RAD9A: variants seen among roughly 807,000 people sequenced by gnomAD.
The protein encoded by RAD9A is RAD9 checkpoint clamp component A, also known as cell cycle checkpoint control protein RAD9A.
RAD9A carries 25 observed loss-of-function variants against 41.2 expected under a neutral mutation model. The ratio of observed to expected loss-of-function variants is 0.61; its 90% CI spans 0.44 to 0.85. The LOEUF is 0.85. Ranked by LOEUF, RAD9A falls within the 40% of genes least tolerant of loss-of-function variation. The pLI, the probability that RAD9A is intolerant of heterozygous loss-of-function variation, is 0.00. For missense variants in RAD9A, 514 were observed against 518.3 expected, an observed-to-expected ratio of 0.99 and a Z score of 0.08; for synonymous variants, 252 against 210.6, an observed-to-expected ratio of 1.20 and a Z score of -1.70.
In RAD9A at chr11:67,397,454, C is replaced by T; in HGVS notation, c.1081-10C>T. 1 of 1,606,608 alleles carries T rather than the reference C, an allele frequency of 6.2e-7. No individual in the cohort carries two copies. Among genetic ancestry groups the T allele is most frequent in the Non-Finnish European group, 8.5e-7 (1 of 1,173,736 alleles). ...GAGCAGCCTCCAGAACTCACTTGTT[C>T]TCTTTCCAGTTCCGCTCACTGTTCT... On this transcript the variant is annotated splice_polypyrimidine_tract_variant and intron_variant, in intron 10 of 10. Transcript: ENST00000307980.
chr11:67,398,354 G>A lies in RAD9A; in HGVS notation c.*795G>A. ...CAGTCACCGCAGGTGCAGGCAGGAA[G>A]CAGCCCTGGGGGACTGGACGCTGCT... On this transcript the variant is annotated 3_prime_UTR_variant, in exon 11 of 11. Coordinates refer to ENST00000307980, the MANE Select transcript of RAD9A (RefSeq NM_004584.3). 1 of 655,830 alleles carries A rather than the reference G, an allele frequency of 1.5e-6. No individual in the cohort carries two copies. The highest frequency in any genetic ancestry group is 2.5e-6 in the Non-Finnish European group (1 of 393,820). 40.6% of individuals were successfully genotyped at this position (655,830 alleles called of 1,614,324 possible). A position where few individuals can be genotyped will look rare whatever the true frequency, so the allele number is the denominator to read the frequency against.
In RAD9A at chr11:67,398,200, CT is replaced by C; in HGVS notation, c.*644del. On this transcript the variant is annotated 3_prime_UTR_variant, in exon 11 of 11. Coordinates refer to ENST00000307980, the MANE Select transcript of RAD9A (RefSeq NM_004584.3). ...GCCATGGCGAGAATCCAGCTTTGAC[CT>C]TTATTCAAGAGACCAGATGGGTTGC... The C allele has an allele frequency of 2.9e-6, 1 of 348,488 alleles. No homozygotes were observed. Among genetic ancestry groups the C allele is most frequent in the South Asian group, 3.5e-5 (1 of 28,240 alleles). The allele number at this position is 348,488 out of a possible 1,614,324, so 21.6% of individuals were successfully genotyped here. A position where few individuals can be genotyped will look rare whatever the true frequency, so the allele number is the denominator to read the frequency against.
chr11:67,397,204 AATGACGACATT>A lies in RAD9A; in HGVS notation c.899_909del (p.Asn300ArgfsTer14). ...CACACCCCACCCGGACGACTTTGCC[AATGACGACATT>A]GACTCTTACATGATCGCCATGGAAA... On this transcript the variant is annotated frameshift_variant, in exon 10 of 11. Transcript: ENST00000307980. LOFTEE classifies it high-confidence loss of function. 6.2e-7 allele frequency: 1 copy of A among 1,613,764 alleles called. No individual in the cohort carries two copies. Among genetic ancestry groups the A allele is most frequent in the South Asian group, 1.1e-5 (1 of 91,074 alleles).
In RAD9A at chr11:67,397,174, T is replaced by C. The variant is rs187164314; in HGVS notation, c.873-5T>C. 3.6e-4 allele frequency: 575 copies of C among 1,609,210 alleles called. 2 individuals carry two copies. The African/African-American group carries it at 6.9e-3, about 19-fold the overall frequency. ...CCCTCCCTGATACTCCGATTCTGCC[T>C]ACAGCACACCCCACCCGGACGACTT... is the stretch of plus-strand genomic sequence containing the variant. On this transcript the variant is annotated splice_region_variant and splice_polypyrimidine_tract_variant and intron_variant, in intron 9 of 10. Coordinates refer to ENST00000307980, the MANE Select transcript of RAD9A (RefSeq NM_004584.3).
chr11:67,392,719 C>T lies in RAD9A; in HGVS notation c.171C>T (p.Phe57=). Reference sequence around the variant, plus strand: ...CCTGCTTTCTCTTTGCCCCGCTCTTCTTCCAGCAATACCAGGCAGCCACCC... The same window carrying T: ...CCTGCTTTCTCTTTGCCCCGCTCTTTTTCCAGCAATACCAGGCAGCCACCC... ...AYACFLFAPL[F]FQQYQAATPG... Residue 57 remains phenylalanine (F), a synonymous_variant, in exon 3 of 11, where the codon TTC becomes TTT. Coordinates refer to ENST00000307980, the MANE Select transcript of RAD9A (RefSeq NM_004584.3). 1.9e-6 allele frequency: 3 copies of T among 1,614,084 alleles called. No individual in the cohort carries two copies. Among genetic ancestry groups the T allele is most frequent in the Non-Finnish European group, 2.5e-6 (3 of 1,179,948 alleles).
In RAD9A at chr11:67,393,609, C is replaced by T. The variant is rs751591647; in HGVS notation, c.348C>T (p.Phe116=). The T allele has an allele frequency of 2.2e-5, 35 of 1,614,020 alleles. No individual in the cohort carries two copies. The highest frequency in any genetic ancestry group is 4.4e-5 in the South Asian group (4 of 91,086). The change falls in exon 4 of 11, where the codon TTC becomes TTT. Residue 116 remains phenylalanine, a splice_region_variant and synonymous_variant. Transcript: ENST00000307980. ...TGGTGGTCCAGCTGCATTGCAAGTT[C>T]GGTGAGTGGGCAGCCGGCCAGCCAA... The part of the protein sequence containing the change: ...SRLVVQLHCK[F]GVRKTHNLSF...
chr11:67,395,913 C>T lies in RAD9A; in HGVS notation c.561C>T (p.Asp187=). 1 of 1,614,132 alleles carries T rather than the reference C, an allele frequency of 6.2e-7. No individual in the cohort carries two copies. The highest frequency in any genetic ancestry group is 8.5e-7 in the Non-Finnish European group (1 of 1,180,000). Residue 187 remains aspartate (D), a splice_region_variant and synonymous_variant, in exon 7 of 11, where the codon GAC becomes GAT. Transcript: ENST00000307980. The stretch of plus-strand genomic sequence containing the variant: ...GTTACTCCTGTTCTTCCCCAACAGA[C>T]AGCACTGCCAAAGCCATGGTGACTG... ...ILRSYHEEEA[D]STAKAMVTEM... is the part of the protein sequence containing the mutation.
In RAD9A at chr11:67,392,783, G is replaced by C. The variant is rs1449116184; in HGVS notation, c.234+1G>C. 3 of 1,613,912 alleles carry C rather than the reference G, an allele frequency of 1.9e-6. No homozygotes were observed. Among genetic ancestry groups the C allele is most frequent in the Non-Finnish European group, 1.7e-6 (2 of 1,179,900 alleles). On this transcript the variant is annotated splice_donor_variant, in intron 3 of 10. Coordinates refer to ENST00000307980, the MANE Select transcript of RAD9A (RefSeq NM_004584.3). LOFTEE classifies it high-confidence loss of function. ...GCTGCGCTGTAAGATCCTGATGAAGGTGAGGCCCTTCCCTCAGCAGTGGCA... is the reference window on the plus strand; with the variant it reads ...GCTGCGCTGTAAGATCCTGATGAAGCTGAGGCCCTTCCCTCAGCAGTGGCA...
intron 9 of RAD9A, 125 bp downstream of exon 9, chr11:67,396,525 C>A: frequency 8.0e-7 from 1 of 1,252,392 alleles, no homozygotes; most frequent in Non-Finnish European, 1.1e-6. Flanking sequence ...TTCTATCAGG[C>A]CCCAGCCCCT....
chr11:67,395,431 A>C (rs1862653534), intron 5 of RAD9A: 2 of 461,500 alleles, frequency 4.3e-6, no homozygotes, highest in East Asian at 7.0e-5. Flanking sequence ...CTTAGAGGAT[A>C]AGGATTTCAG....
In RAD9A at chr11:67,396,413, C is replaced by T. The variant is rs1213956402; in HGVS notation, c.872+13C>T. On this transcript the variant is annotated intron_variant, in intron 9 of 10. Coordinates refer to ENST00000307980, the MANE Select transcript of RAD9A (RefSeq NM_004584.3). The stretch of plus-strand genomic sequence containing the variant: ...TCCAGGCTCACAGGTGAGGGCACCT[C>T]CCCCCAACTCCTCCTCTCTCCATGT... The T allele has an allele frequency of 1.2e-6, 2 of 1,612,006 alleles. No homozygotes were observed. Among genetic ancestry groups the T allele is most frequent in the South Asian group, 1.1e-5 (1 of 90,994 alleles).
chr11:67,393,430 C>T, intron 3 of RAD9A, 66 bp from the exon 4 acceptor site: 1 of 1,582,504 alleles, frequency 6.3e-7, no homozygotes. Context: ...GGGTGTGGGC[C>T]TGCATGGGAC....
At position 67,395,710 on chromosome 11, in the gene RAD9A, T is replaced by G; in HGVS notation, c.450-6T>G. 1 of 1,588,822 alleles carries G rather than the reference T, an allele frequency of 6.3e-7. No homozygotes were observed. Among genetic ancestry groups the G allele is most frequent in the Non-Finnish European group, 8.6e-7 (1 of 1,165,918 alleles). On this transcript the variant is annotated splice_polypyrimidine_tract_variant and splice_region_variant and intron_variant, in intron 5 of 10. Coordinates refer to ENST00000307980, the MANE Select transcript of RAD9A (RefSeq NM_004584.3). ...CATTTCGGGTAATGCTCCACCCTGT[T>G]CACAGGGTTCTGGGGGAGGCTGTTC...
At position 67,392,072 on chromosome 11, in the gene RAD9A, G is replaced by A. The variant is rs1305713140; in HGVS notation, c.28G>A (p.Val10Met). The A allele has an allele frequency of 1.9e-6, 3 of 1,590,516 alleles. No homozygotes were observed. Among genetic ancestry groups the A allele is most frequent in the Non-Finnish European group, 8.5e-7 (1 of 1,170,100 alleles). ...GAAGTGCCTGGTCACGGGCGGCAAC[G>A]TGAAGGGTGAGTGCAGGTCGGCCTG... The part of the protein sequence containing the change: MKCLVTGGN[V>M]KVLGKAVHSL... The change falls in exon 1 of 11, where the codon GTG becomes ATG. Residue 10 changes from valine (V) to methionine (M), a missense_variant. Around this residue, in one of 3 missense-constraint regions of RAD9A, gnomAD observed 268 missense variants for 279.3 expected, o/e 0.96. Transcript: ENST00000307980.
At position 67,397,817 on chromosome 11, in the gene RAD9A, T is replaced by G; in HGVS notation, c.*258T>G. On this transcript the variant is annotated 3_prime_UTR_variant, in exon 11 of 11. Transcript: ENST00000307980. ...GCCCTGAACTACTGACGTTCCTACC[T>G]CTTATTTCTCATTGAGCCTCAGGCT... 2.0e-6 allele frequency: 1 copy of G among 489,002 alleles called. No homozygotes were observed. The allele number at this position is 489,002 out of a possible 1,614,324, so 30.3% of individuals were successfully genotyped here.
At position 67,395,800 on chromosome 11, in the gene RAD9A, G is replaced by A. The variant is rs1207842317; in HGVS notation, c.534G>A (p.Leu178=). 1 of 1,613,862 alleles carries A rather than the reference G, an allele frequency of 6.2e-7. No homozygotes were observed. Reference sequence around the variant, plus strand: ...TTGGCCGTGGCCGCAGGGTCATCCTGCGCAGCTACCACGAGGAGGAGGCAG... The same window carrying A: ...TTGGCCGTGGCCGCAGGGTCATCCTACGCAGCTACCACGAGGAGGAGGCAG... The part of the protein sequence containing the change: ...LGIGRGRRVI[L]RSYHEEEADS... The change falls in exon 6 of 11, where the codon CTG becomes CTA. Residue 178 remains leucine, a synonymous_variant. Coordinates refer to ENST00000307980, the MANE Select transcript of RAD9A (RefSeq NM_004584.3).
Position 67,397,773 on chromosome 11 carries a change from T to C in RAD9A, c.*214T>C. On this transcript the variant is annotated 3_prime_UTR_variant, in exon 11 of 11. Transcript: ENST00000307980. ...TTATCTCCCCACAACCCCCAGCCAA[T>C]CAGGACTTTCCAGACTTGGCCCTGA... The C allele has an allele frequency of 1.8e-6, 1 of 571,054 alleles. No individual in the cohort carries two copies. The highest frequency in any genetic ancestry group is 2.2e-5 in the South Asian group (1 of 45,740). The allele number at this position is 571,054 out of a possible 1,614,324, so 35.4% of individuals were successfully genotyped here. A position where few individuals can be genotyped will look rare whatever the true frequency, so the allele number is the denominator to read the frequency against.
Position 67,397,887 on chromosome 11 carries a change from A to G in RAD9A, c.*328A>G. 1 of 306,084 alleles carries G rather than the reference A, an allele frequency of 3.3e-6. No individual in the cohort carries two copies. Among genetic ancestry groups the G allele is most frequent in the South Asian group, 5.1e-5 (1 of 19,776 alleles). 19.0% of individuals were successfully genotyped at this position (306,084 alleles called of 1,614,324 possible). On this transcript the variant is annotated 3_prime_UTR_variant, in exon 11 of 11. Transcript: ENST00000307980. ...CTGGAAACCTGTCTCCCTCAGGCTC[A>G]CCTTCCTAAGGAAAATGTCATAGTA...
At chr11:67,393,009 C>T in intron 3 of RAD9A, 4 of 607,984 alleles carry the variant, frequency 6.6e-6, no homozygotes, top group East Asian at 4.2e-5. Context: ...TGGCCGGGCG[C>T]GGTGGCTCAC....
Sources: allele counts gnomAD v4.1 joint callset, GRCh38; gene constraint gnomAD v4.1.1; regional missense constraint gnomAD v4.1.1; transcripts MANE v1.5; gene names NCBI Gene and HGNC (gene_info 2026-07-23, HGNC 2026-07-21).